Variants in NFIX observed in about 807,000 individuals in gnomAD.
NFIX encodes nuclear factor 1 X-type.
NFIX carries 2 observed loss-of-function variants against 53.3 expected under a neutral mutation model. The ratio of observed to expected loss-of-function variants is 0.04; its 90% CI spans 0.02 to 0.12. The LOEUF is 0.12. NFIX is among the 10% of genes least tolerant of loss of function. The pLI, the probability that NFIX is intolerant of heterozygous loss-of-function variation, is 1.00. For synonymous variants in NFIX, 244 were observed against 289.0 expected (o/e 0.84, Z 1.58); for missense variants, 310 against 674.5 (o/e 0.46, Z 5.99).
At chr19:13,038,952 A>G (rs1465501799) in intron 2 of NFIX, among the ~76,000 whole-genome samples, 1 of 152,170 alleles carries the variant, frequency 6.6e-6, no homozygotes, top group African/African-American at 2.4e-5. Flanking sequence ...GAAGGGCCCA[A>G]GGGTCTACAT....
intron 8 of NFIX, among the ~76,000 whole-genome samples, chr19:13,086,575 C>T (rs1310528368): frequency 6.6e-6 from 1 of 152,146 alleles, no homozygotes; most frequent in Non-Finnish European, 1.5e-5. Flanking sequence ...TCCTGTGCAC[C>T]GCAGGATGTC....
chr19:13,055,301 A>G (rs2015591282), intron 2 of NFIX, among the ~76,000 whole-genome samples: 1 of 150,822 alleles, frequency 6.6e-6, no homozygotes, highest in African/African-American at 2.4e-5. Context: ...GCTTCCCAGA[A>G]TCTGTGCCTG....
At position 12,996,103 on chromosome 19, in the gene NFIX, C is replaced by T. The variant is rs2011456341; in HGVS notation, c.27+239C>T. Among the ~76,000 whole-genome samples, 4 of 151,170 alleles carry T rather than the reference C, an allele frequency of 2.6e-5. No individual in the cohort carries two copies. Among genetic ancestry groups the T allele is most frequent in the African/African-American group, 9.7e-5 (4 of 41,126 alleles). On this transcript the variant is annotated intron_variant, in intron 1 of 10. Coordinates refer to ENST00000592199, the MANE Select transcript of NFIX (RefSeq NM_001365902.3). This position sits in a 1 kb window ranked among gnomAD's most constrained non-coding sequence, Gnocchi z 5.2. ...GGGTTCCGGGGGTGGCCAGCTGCGTCGTGGCGCTGCCCGTGGAGCGCAGGC... is the reference window on the plus strand; with the variant it reads ...GGGTTCCGGGGGTGGCCAGCTGCGTTGTGGCGCTGCCCGTGGAGCGCAGGC...
intron 2 of NFIX, among the ~76,000 whole-genome samples, chr19:13,063,726 C>A (rs2016234739): frequency 6.6e-6 from 1 of 152,178 alleles, no homozygotes; most frequent in Admixed American, 6.5e-5. Flanking sequence ...TGCCTTCTCG[C>A]ATCCCTCCTC....
chr19:13,024,680 C>CGT lies in NFIX; in HGVS notation c.28-331_28-330dup. Reference sequence around the variant, plus strand: ...CAGAGCCTGGCGGGGATACCAGCAGCGTGTGTGTGTGGACGGCAACGTTGT... The same window carrying CGT: ...CAGAGCCTGGCGGGGATACCAGCAGCGTGTGTGTGTGTGGACGGCAACGTTGT... On this transcript the variant is annotated intron_variant, in intron 1 of 10. Transcript: ENST00000592199. The CGT allele has an allele frequency of 3.9e-6, 6 of 1,535,636 alleles. No homozygotes were observed. Among genetic ancestry groups the CGT allele is most frequent in the South Asian group, 1.2e-5 (1 of 84,006 alleles).
In NFIX at chr19:13,041,318, A is replaced by T. The variant is rs185135498; in HGVS notation, c.559+15766A>T. ...AAAAGGTTATTTTTCTTATTATAAGACTACTGTACATTCATAATAAAAATA... is the reference window on the plus strand; with the variant it reads ...AAAAGGTTATTTTTCTTATTATAAGTCTACTGTACATTCATAATAAAAATA... On this transcript the variant is annotated intron_variant, in intron 2 of 10. Coordinates refer to ENST00000592199, the MANE Select transcript of NFIX (RefSeq NM_001365902.3). Among the ~76,000 whole-genome samples, 423 of 152,342 alleles carry T rather than the reference A, an allele frequency of 2.8e-3. 3 individuals carry two copies. The highest frequency in any genetic ancestry group is 9.6e-3 in the African/African-American group (399 of 41,568).
chr19:13,078,776 T>A lies in NFIX; in HGVS notation c.1078+41T>A. The stretch of plus-strand genomic sequence containing the variant: ...CCCCGGAGGGGGGCAGTTGGGGAGG[T>A]GGCTGAGTATCTAGGGGCAGCTGGC... On this transcript the variant is annotated intron_variant, in intron 7 of 10. Transcript: ENST00000592199. The surrounding 1 kb of genome is among the most constrained non-coding windows in gnomAD (Gnocchi z 4.7). 1 of 1,572,894 alleles carries A rather than the reference T, an allele frequency of 6.4e-7. No homozygotes were observed. The highest frequency in any genetic ancestry group is 8.6e-7 in the Non-Finnish European group (1 of 1,158,246).
In NFIX at chr19:13,073,240, C is replaced by T; in HGVS notation, c.622+131C>T. On this transcript the variant is annotated intron_variant, in intron 3 of 10. Coordinates refer to ENST00000592199, the MANE Select transcript of NFIX (RefSeq NM_001365902.3). This position sits in a 1 kb window ranked among gnomAD's most constrained non-coding sequence, Gnocchi z 4.5. ...CTGTCCCTTGACTGAGCTTAGCTTGCTGTCCTGAGGGGATGGGGGCACACC... is the reference window on the plus strand; with the variant it reads ...CTGTCCCTTGACTGAGCTTAGCTTGTTGTCCTGAGGGGATGGGGGCACACC... 2 of 1,035,382 alleles carry T rather than the reference C, an allele frequency of 1.9e-6. No homozygotes were observed. Among genetic ancestry groups the T allele is most frequent in the Non-Finnish European group, 3.0e-6 (2 of 657,668 alleles). 64.1% of individuals were successfully genotyped at this position (1,035,382 alleles called of 1,614,324 possible).
At chr19:13,034,389 A>G (rs2014030824) in intron 2 of NFIX, among the ~76,000 whole-genome samples, 1 of 152,208 alleles carries the variant, frequency 6.6e-6, no homozygotes, top group Non-Finnish European at 1.5e-5. Context: ...ATGCTAGCAT[A>G]GACGGGCTGA....
At chr19:13,053,111 G>T (rs1034089604) in intron 2 of NFIX, among the ~76,000 whole-genome samples, 1 of 152,220 alleles carries the variant, frequency 6.6e-6, no homozygotes, top group Non-Finnish European at 1.5e-5. Flanking sequence ...CAGAATGCGG[G>T]GTAGGGCTTC....
At chr19:13,041,540 T>TA (rs541516295) in intron 2 of NFIX, among the ~76,000 whole-genome samples, 118 of 152,300 alleles carry the variant, frequency 7.7e-4, no homozygotes, top group African/African-American at 2.7e-3. Flanking sequence ...CTCATGCCTA[T>TA]AATCCCAGCA....
chr19:13,087,883 C>CA, intron 8 of NFIX, 106 bp from the exon 9 acceptor site: 4 of 1,361,654 alleles, frequency 2.9e-6, no homozygotes, highest in Non-Finnish European at 4.0e-6. Flanking sequence ...CTGGATCTTC[C>CA]ACCGGGAGCG....
Position 13,088,038 on chromosome 19 carries a change from C to T in NFIX, c.1304C>T (p.Pro435Leu), listed in dbSNP as rs1345712085. 2 of 1,536,176 alleles carry T rather than the reference C, an allele frequency of 1.3e-6. No individual in the cohort carries two copies. Among genetic ancestry groups the T allele is most frequent in the Non-Finnish European group, 1.7e-6 (2 of 1,146,922 alleles). The stretch of plus-strand genomic sequence containing the variant: ...GTCCCGGGGTCATTTTTGCTACCGC[C>T]GCCGCCTCCAGTGGCCAGACCTGTG... ...GKVPGSFLLP[P>L]PPPVARPVPL... Residue 435 changes from proline to leucine, a missense_variant, in exon 9 of 11, where the codon CCG (proline) becomes CTG (leucine). By Grantham distance (98) the Pro-to-Leu change is moderately conservative (BLOSUM62 -3). Transcript: ENST00000592199. This position sits in a 1 kb window ranked among gnomAD's most constrained non-coding sequence, Gnocchi z 5.9.
chr19:13,067,960 CTG>C lies in NFIX; in HGVS notation c.560-5086_560-5085del, dbSNP rs1169387394. On this transcript the variant is annotated intron_variant, in intron 2 of 10. Transcript: ENST00000592199. This position sits in a 1 kb window ranked among gnomAD's most constrained non-coding sequence, Gnocchi z 4.2. ...CTCTTCTAAAAATACAAAAAATTAG[CTG>C]GTCCTGGTGACAGGTGCCTGTAGTT... Among the ~76,000 whole-genome samples, 1 of 151,956 alleles carries C rather than the reference CTG, an allele frequency of 6.6e-6. No homozygotes were observed. Among genetic ancestry groups the C allele is most frequent in the African/African-American group, 2.4e-5 (1 of 41,348 alleles).
chr19:13,000,082 A>G (rs559026246), intron 1 of NFIX, among the ~76,000 whole-genome samples: 1 of 152,340 alleles, frequency 6.6e-6, no homozygotes, highest in East Asian at 1.9e-4. Context: ...TGTAGCCTCA[A>G]GAGCTCCCAG....
chr19:13,046,976 A>T (rs918619207), intron 2 of NFIX, among the ~76,000 whole-genome samples: 4 of 152,112 alleles, frequency 2.6e-5, no homozygotes, highest in Admixed American at 1.3e-4. Flanking sequence ...CTATTCACAG[A>T]GGGCTGGAAT....
chr19:13,009,969 C>T lies in NFIX; in HGVS notation c.27+14105C>T, dbSNP rs1376964369. On this transcript the variant is annotated intron_variant, in intron 1 of 10. Transcript: ENST00000592199. This position sits in a 1 kb window ranked among gnomAD's most constrained non-coding sequence, Gnocchi z 4.7. The stretch of plus-strand genomic sequence containing the variant: ...ACCCTGTCCACACAGGTGGAGTGGC[C>T]CACCTTGGGCCCGGGGGGGCCTCCA... Among the ~76,000 whole-genome samples the T allele has an allele frequency of 6.6e-6, 1 of 152,162 alleles. No individual in the cohort carries two copies. The highest frequency in any genetic ancestry group is 2.4e-5 in the African/African-American group (1 of 41,450).
At chr19:13,010,487 C>A (rs977041764) in intron 1 of NFIX, among the ~76,000 whole-genome samples, 1 of 152,254 alleles carries the variant, frequency 6.6e-6, no homozygotes, top group Non-Finnish European at 1.5e-5. Flanking sequence ...GGATCTCAGG[C>A]ACCGAAAGCT....
intron 2 of NFIX, among the ~76,000 whole-genome samples, chr19:13,042,874 GT>G (rs1283652256): frequency 6.6e-6 from 1 of 152,094 alleles, no homozygotes; most frequent in Non-Finnish European, 1.5e-5. Flanking sequence ...TAGGCAAAAG[GT>G]ATGGACTCTC....
Sources: allele counts gnomAD v4.1 joint callset (sites outside exome capture counted in the v4.1 genomes callset), GRCh38; gene constraint gnomAD v4.1.1; non-coding constraint Gnocchi (gnomAD v3.1); transcripts MANE v1.5; gene names NCBI Gene and HGNC (gene_info 2026-07-23, HGNC 2026-07-21).